The following CKAP5 variants were observed in gnomAD, a reference collection of about 807,000 sequenced individuals.
The protein encoded by CKAP5 is cytoskeleton associated protein 5.
A neutral mutation model predicts 232.8 loss-of-function variants in CKAP5; 27 were observed. The ratio of observed to expected loss-of-function variants is 0.12; its 90% confidence interval spans 0.09 to 0.16. CKAP5 has a LOEUF of 0.16. CKAP5 is among the 10% of genes least tolerant of loss of function. The probability of loss-of-function intolerance (pLI) is 1.00; values close to 1 mark genes in which losing one functional copy is unlikely to be tolerated. For synonymous variants in CKAP5, 785 were observed against 841.1 expected, an observed-to-expected ratio of 0.93 and a Z score of 1.16; for missense variants, 1,838 against 2,424.7, an observed-to-expected ratio of 0.76 and a Z score of 5.08.
At chr11:46,841,368 C>G (rs1444031462) in intron 1 of CKAP5, among the ~76,000 whole-genome samples, 1 of 151,786 alleles carries the variant, frequency 6.6e-6, no homozygotes, top group Non-Finnish European at 1.5e-5. Context: ...GGAAAAAAAT[C>G]TCACACATCT....
At chr11:46,756,796 C>T (rs1294404443) in intron 35 of CKAP5, among the ~76,000 whole-genome samples, 4 of 148,936 alleles carry the variant, frequency 2.7e-5, no homozygotes, top group African/African-American at 7.4e-5. Context: ...ATTCTTGTTG[C>T]CCAGGCTGGA....
rs117041037 is a variant in CKAP5, at chr11:46,751,595, T to C, written c.5134-61A>G. ...GAAGAATGAGGATAATTTGTCACCA[T>C]TCATCTTCCCTAAGCTTTGAGCTCA... On this transcript the variant is annotated intron_variant, in intron 38 of 43. Transcript: ENST00000529230. 2.4e-3 allele frequency: 3,377 copies of C among 1,383,998 alleles called. 14 individuals are homozygous for C. The highest frequency in any genetic ancestry group is 0.01 in the Middle Eastern group (55 of 5,460). 85.7% of individuals were successfully genotyped at this position (1,383,998 alleles called of 1,614,324 possible). A position where few individuals can be genotyped will look rare whatever the true frequency, so the allele number is the denominator to read the frequency against.
chr11:46,773,645 C>T (rs533565753), intron 24 of CKAP5, among the ~76,000 whole-genome samples: 5 of 151,102 alleles, frequency 3.3e-5, no homozygotes, highest in East Asian at 2.0e-4. Flanking sequence ...TGGATTCAAG[C>T]GATTCTCCTG....
intron 20 of CKAP5, among the ~76,000 whole-genome samples, chr11:46,779,140 T>C (rs2065317018): frequency 6.6e-6 from 1 of 152,056 alleles, no homozygotes; most frequent in South Asian, 2.1e-4. Context: ...AAAAATTTTT[T>C]TTTTTCTTTT....
At chr11:46,804,282 A>C (rs1939103459) in intron 8 of CKAP5, among the ~76,000 whole-genome samples, 1 of 152,240 alleles carries the variant, frequency 6.6e-6, no homozygotes, top group Non-Finnish European at 1.5e-5. Context: ...CCTGCCTGTC[A>C]CACTCATTGA....
In CKAP5 at chr11:46,784,515, G is replaced by A; in HGVS notation, c.2127C>T (p.Ala709=). 1 of 1,614,064 alleles carries A rather than the reference G, an allele frequency of 6.2e-7. No individual in the cohort carries two copies. Among genetic ancestry groups the A allele is most frequent in the Non-Finnish European group, 8.5e-7 (1 of 1,179,964 alleles). The part of the protein sequence containing the change: ...AKEAMTAIAE[A]CMLPWTAEQV... The stretch of plus-strand genomic sequence containing the variant: ...GTTCAGCAGTCCATGGTAACATACA[G>A]GCTTCGGCTATTGCTGTCATAGCTT... The change falls in exon 17 of 44, where the codon GCC becomes GCT. Residue 709 remains alanine (A), a synonymous_variant. Coordinates refer to ENST00000529230, the MANE Select transcript of CKAP5 (RefSeq NM_001008938.4).
At chr11:46,823,258 GA>G in intron 1 of CKAP5, among the ~76,000 whole-genome samples, 1 of 152,048 alleles carries the variant, frequency 6.6e-6, no homozygotes, top group South Asian at 2.1e-4. Context: ...TATCTATCTA[GA>G]CAACACCTTT....
intron 38 of CKAP5, among the ~76,000 whole-genome samples, chr11:46,752,195 C>CATAT (rs1565716304): frequency 1.7e-5 from 1 of 58,178 alleles, no homozygotes; most frequent in Non-Finnish European, 4.1e-5. Context: ...TATATATATA[C>CATAT]ACACACACAC....
intron 4 of CKAP5, among the ~76,000 whole-genome samples, chr11:46,815,195 C>T (rs1221727615): frequency 6.6e-6 from 1 of 152,094 alleles, no homozygotes; most frequent in Non-Finnish European, 1.5e-5. Context: ...GAATTACAGG[C>T]ATGCGCCACC....
Position 46,760,741 on chromosome 11 carries a change from C to T in CKAP5, c.4265G>A (p.Arg1422Gln). The T allele has an allele frequency of 6.2e-7, 1 of 1,614,164 alleles. No homozygotes were observed. The highest frequency in any genetic ancestry group is 8.5e-7 in the Non-Finnish European group (1 of 1,180,014). Reference protein sequence around the residue: ...DMSMLEERIKRSAKRPSAAPI... With the variant: ...DMSMLEERIKQSAKRPSAAPI... Reference sequence around the variant, plus strand: ...TGCAGCAGAGGGTCTCTTTGCTGACCGCTTAATCCTCTCCTCGAGCATGCT... The same window carrying T: ...TGCAGCAGAGGGTCTCTTTGCTGACTGCTTAATCCTCTCCTCGAGCATGCT... The change falls in exon 33 of 44, where the codon CGG (arginine) becomes CAG (glutamine). Residue 1422 changes from arginine (R) to glutamine (Q), a missense_variant. Transcript: ENST00000529230.
intron 38 of CKAP5, among the ~76,000 whole-genome samples, chr11:46,752,246 CAT>C (rs1231587427): frequency 3.1e-5 from 4 of 130,676 alleles, no homozygotes; most frequent in African/African-American, 1.1e-4. Flanking sequence ...GTATTATATA[CAT>C]ATATAACATA....
intron 22 of CKAP5, 40 bp downstream of exon 22, chr11:46,778,099 G>A: frequency 6.5e-7 from 1 of 1,548,510 alleles, no homozygotes. Flanking sequence ...TGCAGCAGTG[G>A]GGAGGGGAGA....
At chr11:46,810,733 C>G (rs1215585554) in intron 5 of CKAP5, among the ~76,000 whole-genome samples, 3 of 152,172 alleles carry the variant, frequency 2.0e-5, no homozygotes, top group Non-Finnish European at 4.4e-5. Context: ...TTTTAAGACA[C>G]TCTCATTAGT....
At chr11:46,797,567 G>C (rs781005745) in intron 11 of CKAP5, among the ~76,000 whole-genome samples, 7 of 151,982 alleles carry the variant, frequency 4.6e-5, no homozygotes, top group African/African-American at 7.3e-5. Context: ...CCAGTATATG[G>C]GACAAGTAAG....
chr11:46,825,481 C>T (rs1592484974), intron 1 of CKAP5, among the ~76,000 whole-genome samples: 1 of 152,252 alleles, frequency 6.6e-6, no homozygotes, highest in East Asian at 1.9e-4. Context: ...AATTACAGAG[C>T]TACTGTACAG....
At chr11:46,808,266 G>T (rs1939200757) in intron 7 of CKAP5, 122 bp from the exon 8 acceptor site, 7 of 658,048 alleles carry the variant, frequency 1.1e-5, no homozygotes, top group Middle Eastern at 3.7e-4. Flanking sequence ...AACTGGCCGG[G>T]CGCAGTGGCT....
chr11:46,752,077 T>C (rs1366089454), intron 38 of CKAP5, among the ~76,000 whole-genome samples: 5 of 149,902 alleles, frequency 3.3e-5, no homozygotes, highest in Non-Finnish European at 7.4e-5. Flanking sequence ...AAATATTTCC[T>C]CCCTTTCACT....
intron 28 of CKAP5, among the ~76,000 whole-genome samples, chr11:46,763,836 G>C (rs933523239): frequency 2.0e-5 from 3 of 152,102 alleles, no homozygotes; most frequent in Non-Finnish European, 4.4e-5. Context: ...AAAATTTTTG[G>C]AATTGTTTGT....
intron 1 of CKAP5, among the ~76,000 whole-genome samples, chr11:46,842,966 C>CAAAAAAAA (rs60343444): frequency 2.5e-5 from 1 of 39,404 alleles, no homozygotes; most frequent in Non-Finnish European, 4.6e-5. Context: ...GACTCCGTCT[C>CAAAAAAAA]AAAAAAAAAA....
Sources: gnomAD v4.1 joint callset for allele counts (sites outside exome capture counted in the v4.1 genomes callset) on GRCh38, gnomAD v4.1.1 for gene constraint, MANE v1.5 for transcripts, NCBI Gene and HGNC (gene_info 2026-07-23, HGNC 2026-07-21) for gene names.